The following DISP1 variants were observed in gnomAD, a reference collection of about 807,000 sequenced individuals.
The protein encoded by DISP1 is protein dispatched homolog 1.
A neutral mutation model predicts 37.3 loss-of-function variants in DISP1; 30 were observed. The observed-to-expected ratio is 0.80, with a 90% CI of 0.60 to 1.09. DISP1 has a LOEUF of 1.09. Among genes scored for constraint, DISP1 ranks in the 50% least tolerant of loss-of-function variants. DISP1 has a pLI of 0.00. For missense variants in DISP1, 1,598 were observed against 1,879.5 expected, an observed-to-expected ratio of 0.85 and a Z score of 2.77; for synonymous variants, 634 against 690.2, an observed-to-expected ratio of 0.92 and a Z score of 1.28.
rs914746403 is a variant in DISP1, at chr1:222,893,314, C to T, written c.-158-35116C>T. On this transcript the variant is annotated intron_variant, in intron 1 of 8. Transcript: ENST00000675850. The surrounding 1 kb of genome is among the most constrained non-coding windows in gnomAD (Gnocchi z 4.3). ...TGTCACTCATTATTGTCATGGGATCCTTGGGATGTTACTTCGCCAACTGGA... is the reference window on the plus strand; with the variant it reads ...TGTCACTCATTATTGTCATGGGATCTTTGGGATGTTACTTCGCCAACTGGA... 2.0e-4 allele frequency among the ~76,000 whole-genome samples: 31 copies of T among 152,178 alleles called. No homozygotes were observed. Among genetic ancestry groups the T allele is most frequent in the African/African-American group, 7.2e-4 (30 of 41,454 alleles).
At chr1:222,856,011 T>C (rs1333615202) in intron 1 of DISP1, among the ~76,000 whole-genome samples, 1 of 152,202 alleles carries the variant, frequency 6.6e-6, no homozygotes, top group Non-Finnish European at 1.5e-5. Context: ...TTTAAAAAGA[T>C]ATTAAATTAT....
chr1:222,936,799 AT>A (rs1438059525), intron 2 of DISP1, among the ~76,000 whole-genome samples: 3 of 55,792 alleles, frequency 5.4e-5, no homozygotes, highest in Non-Finnish European at 9.8e-5. Flanking sequence ...TATATAATAT[AT>A]TATATATATA....
Position 223,003,776 on chromosome 1 carries a change from G to A in DISP1, c.2379G>A (p.Val793=), listed in dbSNP as rs1679664056. 4 of 1,614,158 alleles carry A rather than the reference G, an allele frequency of 2.5e-6. No individual in the cohort carries two copies. Among genetic ancestry groups the A allele is most frequent in the Non-Finnish European group, 3.4e-6 (4 of 1,180,036 alleles). ...TGCCCATCACAGTAATCTGGGGCGTGTCCCCAGAAGACAATGGCAACCCAC... is the reference window on the plus strand; with the variant it reads ...TGCCCATCACAGTAATCTGGGGCGTATCCCCAGAAGACAATGGCAACCCAC... ...LHMPITVIWG[V]SPEDNGNPLN... The change falls in exon 9 of 9, where the codon GTG becomes GTA. Residue 793 remains valine, a synonymous_variant. Transcript: ENST00000675850. This position sits in a 1 kb window ranked among gnomAD's most constrained non-coding sequence, Gnocchi z 4.3.
intron 3 of DISP1, among the ~76,000 whole-genome samples, chr1:222,956,102 G>A (rs773024934): frequency 6.6e-6 from 1 of 152,094 alleles, no homozygotes; most frequent in African/African-American, 2.4e-5. Flanking sequence ...ACATTCCTTC[G>A]GACCCTATTT....
intron 1 of DISP1, among the ~76,000 whole-genome samples, chr1:222,902,922 A>G (rs2125407368): frequency 6.6e-6 from 1 of 151,676 alleles, no homozygotes; most frequent in African/African-American, 2.4e-5. Flanking sequence ...AACTAGAAAT[A>G]CCATTTGACC....
In DISP1 at chr1:222,815,049, C is replaced by T. The variant is rs1386478501; in HGVS notation, c.-188C>T. 7.2e-5 allele frequency: 11 copies of T among 152,208 alleles called. No individual in the cohort carries two copies. Among genetic ancestry groups the T allele is most frequent in the African/African-American group, 2.4e-4 (10 of 41,436 alleles). The allele number at this position is 152,208 out of a possible 1,614,324, so 9.4% of individuals were successfully genotyped here. A position where few individuals can be genotyped will look rare whatever the true frequency, so the allele number is the denominator to read the frequency against. On this transcript the variant is annotated 5_prime_UTR_variant, in exon 1 of 9. Transcript: ENST00000675850. The stretch of plus-strand genomic sequence containing the variant: ...ACCGCGCCAGGCGGAAGCCCGGCTC[C>T]GGGCCAGCATCCGAGAGCCCGGACT...
At chr1:222,870,405 AAC>A (rs1415687693) in intron 1 of DISP1, among the ~76,000 whole-genome samples, 2 of 152,214 alleles carry the variant, frequency 1.3e-5, no homozygotes, top group Non-Finnish European at 2.9e-5. Flanking sequence ...CAGTCCCACC[AAC>A]AGTGTAAAAG....
At chr1:222,992,174 T>A in intron 7 of DISP1, 64 bp downstream of exon 7, 1 of 1,286,944 alleles carries the variant, frequency 7.8e-7, no homozygotes, top group Non-Finnish European at 1.1e-6. Context: ...TTGAACATGA[T>A]CACAGTCTAG....
At position 223,005,232 on chromosome 1, in the gene DISP1, C is replaced by T. The variant is rs748964993; in HGVS notation, c.3835C>T (p.His1279Tyr). ...QRCSCPDAYK[H>Y]LNYGPHSCQQ... is the part of the protein sequence containing the mutation. ...ATGTAGCTGCCCAGATGCCTACAAACACTTGAACTATGGCCCACACTCTTG... is the reference window on the plus strand; with the variant it reads ...ATGTAGCTGCCCAGATGCCTACAAATACTTGAACTATGGCCCACACTCTTG... Residue 1279 changes from histidine (H) to tyrosine (Y), a missense_variant, in exon 9 of 9, where the codon CAC becomes TAC. Transcript: ENST00000675850. 6.2e-7 allele frequency: 1 copy of T among 1,614,008 alleles called. No homozygotes were observed. Among genetic ancestry groups the T allele is most frequent in the Admixed American group, 1.7e-5 (1 of 60,004 alleles).
intron 3 of DISP1, among the ~76,000 whole-genome samples, chr1:222,950,576 G>A (rs1360233756): frequency 2.0e-5 from 3 of 151,612 alleles, no homozygotes; most frequent in Non-Finnish European, 2.9e-5. Context: ...CTCCGGCCTC[G>A]AGGACAGAGC....
At chr1:222,969,652 T>C (rs180914337) in intron 3 of DISP1, among the ~76,000 whole-genome samples, 4 of 152,094 alleles carry the variant, frequency 2.6e-5, no homozygotes, top group African/African-American at 7.2e-5. Flanking sequence ...ATTTTAATTA[T>C]ATGGAAAATG....
intron 1 of DISP1, among the ~76,000 whole-genome samples, chr1:222,892,643 A>T (rs1347478679): frequency 6.6e-6 from 1 of 152,226 alleles, no homozygotes; most frequent in Non-Finnish European, 1.5e-5. Context: ...GATTATTTGT[A>T]AATACTTTTG....
At chr1:222,952,875 A>T (rs1465377550) in intron 3 of DISP1, among the ~76,000 whole-genome samples, 2 of 152,278 alleles carry the variant, frequency 1.3e-5, no homozygotes, top group African/African-American at 4.8e-5. Flanking sequence ...CAAACAAAAA[A>T]TCTGAAGGAC....
intron 2 of DISP1, 80 bp from the exon 3 acceptor site, chr1:222,942,727 T>C (rs1311480202): frequency 6.5e-7 from 1 of 1,545,072 alleles, no homozygotes; most frequent in Non-Finnish European, 8.9e-7. Flanking sequence ...CAATGAGCTG[T>C]TTTTAAATAT....
chr1:223,003,173 A>G lies in DISP1; in HGVS notation c.1776A>G (p.Glu592=). ...NYTKFDKPHA[E]TSETVSITLQ... is the part of the protein sequence containing the mutation. ...CAAAATTTGATAAGCCTCATGCCGA[A>G]ACCTCAGAAACAGTAAGCATCACCT... The change falls in exon 9 of 9, where the codon GAA becomes GAG. Residue 592 remains glutamate, a synonymous_variant. Transcript: ENST00000675850. This position sits in a 1 kb window ranked among gnomAD's most constrained non-coding sequence, Gnocchi z 4.3. 6.2e-7 allele frequency: 1 copy of G among 1,614,240 alleles called. No individual in the cohort carries two copies.
chr1:222,887,486 G>GTTTTTTTTTTTTTT (rs940346379), intron 1 of DISP1, among the ~76,000 whole-genome samples: 16 of 83,108 alleles, frequency 1.9e-4, no homozygotes, highest in Admixed American at 2.9e-4. Flanking sequence ...CATTGTTTTT[G>GTTTTTTTTTTTTTT]TTTTTTTTTT....
intron 8 of DISP1, among the ~76,000 whole-genome samples, chr1:222,998,341 G>T (rs1679215367): frequency 6.6e-6 from 1 of 151,290 alleles, no homozygotes; most frequent in Non-Finnish European, 1.5e-5. Flanking sequence ...GACCTTAATT[G>T]TTGGTGGGTT....
Position 222,965,725 on chromosome 1 carries a change from C to G in DISP1, c.510-17355C>G, listed in dbSNP as rs368632344. On this transcript the variant is annotated intron_variant, in intron 3 of 8. Transcript: ENST00000675850. Reference sequence around the variant, plus strand: ...TATCTCACTCAGTTTTTTTCTTACCCCCATCAACTTTTTAAAATTTCAGAT... The same window carrying G: ...TATCTCACTCAGTTTTTTTCTTACCGCCATCAACTTTTTAAAATTTCAGAT... 7.2e-5 allele frequency among the ~76,000 whole-genome samples: 11 copies of G among 152,034 alleles called. 1 individual carries two copies. Among genetic ancestry groups the G allele is most frequent in the East Asian group, 3.8e-4 (2 of 5,202 alleles).
chr1:222,923,524 C>G (rs1425078018), intron 1 of DISP1, among the ~76,000 whole-genome samples: 1 of 152,084 alleles, frequency 6.6e-6, no homozygotes, highest in African/African-American at 2.4e-5. Flanking sequence ...AGATAAGGGA[C>G]AAGTTCCAGA....
Sources: allele counts gnomAD v4.1 joint callset (sites outside exome capture counted in the v4.1 genomes callset), GRCh38; gene constraint gnomAD v4.1.1; non-coding constraint Gnocchi (gnomAD v3.1); transcripts MANE v1.5; gene names NCBI Gene and HGNC (gene_info 2026-07-23, HGNC 2026-07-21).